ANK1: variants seen among roughly 807,000 people sequenced by gnomAD.
ANK1 encodes the protein ankyrin 1, also known as ankyrin-1.
ANK1 carries 51 observed loss-of-function variants against 210.4 expected under a neutral mutation model. That is an observed-to-expected ratio of 0.24 (90% confidence interval 0.19 to 0.31). ANK1 has a LOEUF of 0.31. Among genes scored for constraint, ANK1 ranks in the 10% least tolerant of loss-of-function variants. The probability of loss-of-function intolerance (pLI) is 1.00; values close to 1 mark genes in which losing one functional copy is unlikely to be tolerated. For missense variants in ANK1, 2,051 were observed against 2,504.4 expected (o/e 0.82, Z 3.86); for synonymous variants, 967 against 1,025.9 (o/e 0.94, Z 1.10).
rs764940669 is a variant in ANK1 at position 41,725,800 on chromosome 8, C to T, written c.573G>A (p.Val191=). 6.2e-7 allele frequency: 1 copy of T among 1,611,726 alleles called. No homozygotes were observed. Among genetic ancestry groups the T allele is most frequent in the Admixed American group, 1.7e-5 (1 of 59,992 alleles). The change falls in exon 6 of 43, where the codon GTG becomes GTA. Residue 191 remains valine, a synonymous_variant. Coordinates refer to ENST00000289734, the MANE Select transcript of ANK1 (RefSeq NM_000037.4). Reference sequence around the variant, plus strand: ...CCGGGTTGGGGTCGTTCTGCAGCAGCACCGCAGCCGTGCGCGTGTCGTCGT... The same window carrying T: ...CCGGGTTGGGGTCGTTCTGCAGCAGTACCGCAGCCGTGCGCGTGTCGTCGT... ...ARNDDTRTAA[V]LLQNDPNPDV...
chr8:41,851,223 G>A (rs1029210025), intron 1 of ANK1, among the ~76,000 whole-genome samples: 10 of 152,198 alleles, frequency 6.6e-5, no homozygotes, highest in East Asian at 5.8e-4. Context: ...CTTACTCAGC[G>A]GCTTCTCTCT....
At chr8:41,810,011 T>C (rs1802247332) in intron 1 of ANK1, among the ~76,000 whole-genome samples, 1 of 152,214 alleles carries the variant, frequency 6.6e-6, no homozygotes, top group Non-Finnish European at 1.5e-5. Flanking sequence ...GGGCGTGTTA[T>C]ATGCAGGCAG....
intron 2 of ANK1, among the ~76,000 whole-genome samples, chr8:41,754,245 T>G (rs939509373): frequency 6.6e-6 from 1 of 152,222 alleles, no homozygotes; most frequent in African/African-American, 2.4e-5. Flanking sequence ...GCATCTAAAG[T>G]GCAAACAATA....
chr8:41,699,324 CGT>C, intron 23 of ANK1, 126 bp downstream of exon 23: 1 of 881,684 alleles, frequency 1.1e-6, no homozygotes, highest in Non-Finnish European at 1.9e-6. Flanking sequence ...AGGTGCAAAC[CGT>C]CTCTCTCTGC....
intron 6 of ANK1, among the ~76,000 whole-genome samples, chr8:41,725,172 C>A (rs1830361429): frequency 6.6e-6 from 1 of 152,236 alleles, no homozygotes; most frequent in South Asian, 2.1e-4. Flanking sequence ...TAACCCCACC[C>A]AGGTGTTTTC....
chr8:41,864,011 G>C (rs141025827), intron 1 of ANK1, among the ~76,000 whole-genome samples: 1 of 152,154 alleles, frequency 6.6e-6, no homozygotes, highest in Non-Finnish European at 1.5e-5. Flanking sequence ...TTGGGAGGCC[G>C]AGGCGGGTGG....
chr8:41,780,990 T>C (rs935361295), intron 1 of ANK1, among the ~76,000 whole-genome samples: 8 of 152,174 alleles, frequency 5.3e-5, no homozygotes, highest in African/African-American at 1.4e-4. Context: ...TCAAGAGTGG[T>C]TCTGGCATTT....
chr8:41,742,037 T>C (rs1834923118), intron 2 of ANK1, among the ~76,000 whole-genome samples: 1 of 152,234 alleles, frequency 6.6e-6, no homozygotes, highest in South Asian at 2.1e-4. Flanking sequence ...ATCTGTGTGA[T>C]GGGCGGGGAA....
intron 2 of ANK1, among the ~76,000 whole-genome samples, chr8:41,757,489 G>A (rs760846075): frequency 3.3e-5 from 5 of 151,948 alleles, no homozygotes; most frequent in African/African-American, 9.7e-5. Flanking sequence ...TTGTTTCCTC[G>A]CCAGCCCCTT....
chr8:41,658,970 C>T lies in ANK1; in HGVS notation c.*36+2460G>A, dbSNP rs146057009. Reference sequence around the variant, plus strand: ...GAACACGGAATTAGCAAATACTGAACCACTGCTCCTAAGGGAAATACAAGG... The same window carrying T: ...GAACACGGAATTAGCAAATACTGAATCACTGCTCCTAAGGGAAATACAAGG... On this transcript the variant is annotated intron_variant, in intron 42 of 42. Transcript: ENST00000289734. Among the ~76,000 whole-genome samples the T allele has an allele frequency of 7.7e-4, 118 of 152,264 alleles. 2 individuals are homozygous for T. In the East Asian group the frequency reaches 0.019, roughly 25 times the overall value.
At chr8:41,672,271 C>A in intron 38 of ANK1, 83 bp downstream of exon 38, 1 of 1,492,330 alleles carries the variant, frequency 6.7e-7, no homozygotes, top group South Asian at 1.2e-5. Context: ...GGCATCGACA[C>A]CTCTGTCCTC....
chr8:41,703,957 T>C (rs1231339933), intron 20 of ANK1, 84 bp downstream of exon 20: 10 of 1,315,474 alleles, frequency 7.6e-6, no homozygotes, highest in East Asian at 2.3e-5. Context: ...GACACGTGCA[T>C]TAACCTCTAC....
chr8:41,714,355 C>A, intron 15 of ANK1, 101 bp from the exon 16 acceptor site: 1 of 906,600 alleles, frequency 1.1e-6, no homozygotes, highest in Non-Finnish European at 1.6e-6. Context: ...CAGTAAAATC[C>A]TGTTTAAAAT....
chr8:41,754,152 G>T (rs1359646605), intron 2 of ANK1, among the ~76,000 whole-genome samples: 1 of 152,210 alleles, frequency 6.6e-6, no homozygotes, highest in East Asian at 1.9e-4. Context: ...TAAGGAACGT[G>T]ACTTTAAAAT....
At chr8:41,728,191 G>A (rs1026769484) in intron 3 of ANK1, among the ~76,000 whole-genome samples, 185 bp from the exon 4 acceptor site, 1 of 152,120 alleles carries the variant, frequency 6.6e-6, no homozygotes, top group South Asian at 2.1e-4. Context: ...GAAAGTACAG[G>A]GAGGAAGATC....
chr8:41,792,991 G>C (rs1034770250), intron 1 of ANK1, among the ~76,000 whole-genome samples: 1 of 152,196 alleles, frequency 6.6e-6, no homozygotes, highest in South Asian at 2.1e-4. Context: ...CACCCATGTA[G>C]AGTTTCTGAA....
At chr8:41,673,353 GCT>G (rs986939216) in intron 37 of ANK1, among the ~76,000 whole-genome samples, 4 of 152,180 alleles carry the variant, frequency 2.6e-5, no homozygotes, top group African/African-American at 4.8e-5. Flanking sequence ...CTTTAGCTTA[GCT>G]CTTAGGTTCT....
At chr8:41,702,248 G>T in intron 20 of ANK1, 104 bp from the exon 21 acceptor site, 1 of 875,330 alleles carries the variant, frequency 1.1e-6, no homozygotes, top group Non-Finnish European at 1.8e-6. Context: ...TTGTTCAGGA[G>T]GACCTGAGTG....
chr8:41,680,735 C>G (rs891339935), intron 37 of ANK1, among the ~76,000 whole-genome samples: 1 of 152,198 alleles, frequency 6.6e-6, no homozygotes, highest in Non-Finnish European at 1.5e-5. Flanking sequence ...CCACAGGTAG[C>G]TAGCTGTATT....
Sources: gnomAD v4.1 joint callset for allele counts (sites outside exome capture counted in the v4.1 genomes callset) on GRCh38, gnomAD v4.1.1 for gene constraint, MANE v1.5 for transcripts, NCBI Gene and HGNC (gene_info 2026-07-23, HGNC 2026-07-21) for gene names.